MAP3K13: variants seen among roughly 807,000 people sequenced by gnomAD.
MAP3K13 encodes mitogen-activated protein kinase kinase kinase 13, also known as leucine zipper-bearing kinase.
MAP3K13 carries 52 observed loss-of-function variants against 104.0 expected under a neutral mutation model. That is an observed-to-expected ratio of 0.50 (90% CI 0.40 to 0.63). The LOEUF is 0.63. Among genes scored for constraint, MAP3K13 ranks in the 20% least tolerant of loss-of-function variants. The probability of loss-of-function intolerance (pLI) is 0.00; values close to 1 mark genes in which losing one functional copy is unlikely to be tolerated. For missense variants in MAP3K13, 914 were observed against 1,218.5 expected (o/e 0.75, Z 3.72); for synonymous variants, 394 against 442.2 (o/e 0.89, Z 1.37).
intron 2 of MAP3K13, among the ~76,000 whole-genome samples, chr3:185,344,405 G>T (rs554414013): frequency 2.6e-5 from 4 of 152,232 alleles, no homozygotes; most frequent in Admixed American, 2.6e-4. Context: ...TACATAATAG[G>T]TGCTCAGTTA....
intron 2 of MAP3K13, among the ~76,000 whole-genome samples, chr3:185,312,531 G>A (rs116543519): frequency 6.6e-6 from 1 of 152,284 alleles, no homozygotes; most frequent in African/African-American, 2.4e-5. Context: ...AGTATTTGGG[G>A]TTATACAATG....
intron 1 of MAP3K13, among the ~76,000 whole-genome samples, chr3:185,400,901 GTTTGTTTTTTTTT>G (rs1166160986): frequency 5.2e-5 from 3 of 58,144 alleles, no homozygotes; most frequent in Non-Finnish European, 1.0e-4. Flanking sequence ...CTGGGTGTTT[GTTTGTTTTTTTTT>G]TTTTTTTTGT....
intron 1 of MAP3K13, among the ~76,000 whole-genome samples, chr3:185,383,788 A>G (rs1711526565): frequency 6.6e-6 from 1 of 152,196 alleles, no homozygotes; most frequent in Non-Finnish European, 1.5e-5. Context: ...CAACACAAAG[A>G]GACTAAGACA....
intron 13 of MAP3K13, among the ~76,000 whole-genome samples, chr3:185,480,904 G>C (rs1718408937): frequency 6.6e-6 from 1 of 152,114 alleles, no homozygotes; most frequent in Admixed American, 6.5e-5. Flanking sequence ...CATGAGAATA[G>C]CAAGGGGGAA....
chr3:185,405,135 T>C (rs1423020168), intron 1 of MAP3K13, among the ~76,000 whole-genome samples: 1 of 152,210 alleles, frequency 6.6e-6, no homozygotes, highest in Non-Finnish European at 1.5e-5. Flanking sequence ...CTGTTAGATT[T>C]CTAGAAGTGG....
chr3:185,444,180 C>CA (rs1171516192), intron 4 of MAP3K13, among the ~76,000 whole-genome samples: 15 of 151,876 alleles, frequency 9.9e-5, no homozygotes, highest in Non-Finnish European at 1.6e-4. Flanking sequence ...ACTAAAAATA[C>CA]AAAAAATCAG....
intron 2 of MAP3K13, among the ~76,000 whole-genome samples, chr3:185,346,086 G>T (rs938243421): frequency 1.3e-5 from 2 of 152,086 alleles, no homozygotes; most frequent in Non-Finnish European, 1.5e-5. Flanking sequence ...ATTAACTATA[G>T]TCACTGTGTT....
At chr3:185,467,475 C>T (rs1156462981) in intron 10 of MAP3K13, among the ~76,000 whole-genome samples, 1 of 152,124 alleles carries the variant, frequency 6.6e-6, no homozygotes, top group African/African-American at 2.4e-5. Flanking sequence ...GTATTAGTCC[C>T]TTCTTGCATT....
chr3:185,357,968 T>A (rs561154332), intron 2 of MAP3K13, among the ~76,000 whole-genome samples: 1 of 152,350 alleles, frequency 6.6e-6, no homozygotes, highest in Non-Finnish European at 1.5e-5. Context: ...AATATAAAGA[T>A]GACTGTAGAA....
chr3:185,428,992 C>CT lies in MAP3K13; in HGVS notation c.413dup (p.Leu138PhefsTer15), dbSNP rs1347292666. ...GGTTTCTTGAAGGACTATTTGGATG[C>CT]TTAAGGCCTGTATGGAATATCATTG... On this transcript the variant is annotated frameshift_variant, in exon 2 of 14. Transcript: ENST00000265026. LOFTEE classifies it high-confidence loss of function. 6.2e-7 allele frequency: 1 copy of CT among 1,614,118 alleles called. No homozygotes were observed. The highest frequency in any genetic ancestry group is 1.3e-5 in the African/African-American group (1 of 75,024).
At chr3:185,447,294 C>T (rs1026930189) in intron 4 of MAP3K13, among the ~76,000 whole-genome samples, 5 of 151,480 alleles carry the variant, frequency 3.3e-5, no homozygotes, top group Non-Finnish European at 5.9e-5. Flanking sequence ...AGTTCGAGAC[C>T]AGCCTGGCCA....
chr3:185,446,409 C>G (rs1445483576), intron 4 of MAP3K13, among the ~76,000 whole-genome samples: 1 of 152,092 alleles, frequency 6.6e-6, no homozygotes, highest in East Asian at 1.9e-4. Context: ...GCGCCCGCCA[C>G]CACGCTCGTA....
intron 2 of MAP3K13, among the ~76,000 whole-genome samples, chr3:185,320,212 C>T (rs1721809203): frequency 1.3e-5 from 2 of 151,918 alleles, no homozygotes; most frequent in Admixed American, 1.3e-4. Flanking sequence ...TCCCAAGTAG[C>T]TGGGATTACA....
intron 2 of MAP3K13, among the ~76,000 whole-genome samples, chr3:185,331,919 A>G (rs916944781): frequency 6.6e-6 from 1 of 152,184 alleles, no homozygotes; most frequent in Admixed American, 6.5e-5. Context: ...TTCAGTTGTA[A>G]TATATGTTGA....
At position 185,398,181 on chromosome 3, in the gene MAP3K13, T is replaced by C. The variant is rs371006206; in HGVS notation, c.-85-30316T>C. Among the ~76,000 whole-genome samples the C allele has an allele frequency of 3.9e-5, 6 of 151,994 alleles. No homozygotes were observed. In the East Asian group the frequency reaches 9.6e-4, roughly 24 times the overall value. On this transcript the variant is annotated intron_variant, in intron 1 of 13. Coordinates refer to ENST00000265026, the MANE Select transcript of MAP3K13 (RefSeq NM_004721.5). The stretch of plus-strand genomic sequence containing the variant: ...TGTGACCTGAAGAACTGACAAGCAA[T>C]GCTGTCTGTTCTGAGAAATAACCGA...
intron 2 of MAP3K13, among the ~76,000 whole-genome samples, chr3:185,357,935 A>G (rs1723434967): frequency 6.6e-6 from 1 of 152,252 alleles, no homozygotes; most frequent in Non-Finnish European, 1.5e-5. Flanking sequence ...TATTCTTTAA[A>G]GTTTGCCATA....
intron 1 of MAP3K13, among the ~76,000 whole-genome samples, chr3:185,395,353 A>ATGTCTTTTTTTTTTTTT (rs1560083056): frequency 1.1e-4 from 2 of 18,512 alleles, no homozygotes; most frequent in African/African-American, 3.5e-4. Flanking sequence ...ATTCAATATT[A>ATGTCTTTTTTTTTTTTT]TTTCTTTTTT....
At chr3:185,471,936 C>A (rs1717819943) in intron 10 of MAP3K13, among the ~76,000 whole-genome samples, 1 of 152,196 alleles carries the variant, frequency 6.6e-6, no homozygotes, top group Non-Finnish European at 1.5e-5. Flanking sequence ...TTTAAAATTT[C>A]TATTGAAAGT....
chr3:185,380,959 GTTT>G (rs542853065), intron 1 of MAP3K13, among the ~76,000 whole-genome samples: 35 of 113,578 alleles, frequency 3.1e-4, no homozygotes, highest in Non-Finnish European at 5.7e-4. Context: ...TTTTTTTTTT[GTTT>G]TTTTTTGTTT....
Sources: allele counts gnomAD v4.1 joint callset (sites outside exome capture counted in the v4.1 genomes callset), GRCh38; gene constraint gnomAD v4.1.1; transcripts MANE v1.5; gene names NCBI Gene and HGNC (gene_info 2026-07-23, HGNC 2026-07-21).